DHX36: variants seen among roughly 807,000 people sequenced by gnomAD.
DHX36 encodes DEAH-box helicase 36, also known as ATP-dependent DNA/RNA helicase DHX36.
DHX36 carries 50 observed loss-of-function variants against 139.0 expected under a neutral mutation model. The ratio of observed to expected loss-of-function variants is 0.36; its 90% CI spans 0.29 to 0.46. The LOEUF is 0.46. Among genes scored for constraint, DHX36 ranks in the 20% least tolerant of loss-of-function variants. DHX36 has a pLI of 1.00. For synonymous variants in DHX36, 425 were observed against 401.9 expected, an observed-to-expected ratio of 1.06 and a Z score of -0.69; for missense variants, 1,024 against 1,211.3, an observed-to-expected ratio of 0.85 and a Z score of 2.29.
intron 12 of DHX36, chr3:154,299,622 T>G (rs1026028272): frequency 7.3e-5 from 37 of 504,416 alleles, no homozygotes; most frequent in Non-Finnish European, 1.4e-5. Flanking sequence ...AGTGAAAAAA[T>G]GAAAAACCTC....
intron 8 of DHX36, among the ~76,000 whole-genome samples, chr3:154,304,135 T>C (rs1185400213): frequency 6.6e-6 from 1 of 152,224 alleles, no homozygotes; most frequent in African/African-American, 2.4e-5. Flanking sequence ...TGGGATGTAT[T>C]TTAAAGGACT....
intron 18 of DHX36, 66 bp from the exon 19 acceptor site, chr3:154,284,735 T>C: frequency 6.3e-7 from 1 of 1,593,274 alleles, no homozygotes; most frequent in South Asian, 1.1e-5. Flanking sequence ...GACATTCTAA[T>C]AAAACGCTAA....
intron 17 of DHX36, among the ~76,000 whole-genome samples, chr3:154,287,526 G>A (rs1711588081): frequency 6.6e-6 from 1 of 151,864 alleles, no homozygotes; most frequent in Non-Finnish European, 1.5e-5. Flanking sequence ...ATGGTGGCAG[G>A]TGCCTGTAAT....
intron 3 of DHX36, among the ~76,000 whole-genome samples, chr3:154,313,280 G>A (rs1299844256): frequency 6.6e-6 from 1 of 152,026 alleles, no homozygotes. Flanking sequence ...CTTTCCCAAG[G>A]CAGCCAAAGT....
At chr3:154,279,166 G>A (rs962906178) in intron 22 of DHX36, 1 of 152,156 alleles carries the variant, frequency 6.6e-6, no homozygotes, top group African/African-American at 2.4e-5. Flanking sequence ...TACAGGACCA[G>A]AGAGTAAATA....
chr3:154,308,564 T>C (rs1425209281), intron 5 of DHX36, among the ~76,000 whole-genome samples: 1 of 152,152 alleles, frequency 6.6e-6, no homozygotes, highest in Non-Finnish European at 1.5e-5. Context: ...ACAAAATCAA[T>C]GTACAGGCTG....
intron 15 of DHX36, among the ~76,000 whole-genome samples, chr3:154,291,273 A>G (rs1711801408): frequency 6.6e-6 from 1 of 152,158 alleles, no homozygotes; most frequent in Admixed American, 6.5e-5. Flanking sequence ...TTTCCTTTTA[A>G]ATTAAAACAG....
intron 20 of DHX36, 48 bp from the exon 21 acceptor site, chr3:154,280,910 G>A: frequency 7.1e-7 from 1 of 1,405,990 alleles, no homozygotes; most frequent in Non-Finnish European, 1.0e-6. Flanking sequence ...TTCACACATT[G>A]AGGCTATAAA....
rs148956455 is a variant in DHX36, at chr3:154,298,992, C to T, written c.1549+846G>A. On this transcript the variant is annotated intron_variant, in intron 12 of 24. Coordinates refer to ENST00000496811, the MANE Select transcript of DHX36 (RefSeq NM_020865.3). ...TAGGGTTAGAAATTATATTCAGAGG[C>T]CACACGTGGTGGCTCAAGCCTGTAA... Among the ~76,000 whole-genome samples the T allele has an allele frequency of 1.1e-3, 163 of 152,220 alleles. 4 individuals are homozygous for T. The highest frequency in any genetic ancestry group is 6.8e-3 in the Middle Eastern group (2 of 294).
chr3:154,301,904 G>C (rs542507336), intron 9 of DHX36, among the ~76,000 whole-genome samples: 3 of 151,974 alleles, frequency 2.0e-5, no homozygotes, highest in Non-Finnish European at 2.9e-5. Flanking sequence ...TAGATGGAAT[G>C]GGGGAGGGGC....
intron 23 of DHX36, 136 bp downstream of exon 23, chr3:154,277,458 TAGAG>T: frequency 1.4e-6 from 1 of 689,840 alleles, no homozygotes; most frequent in East Asian, 3.0e-5. Flanking sequence ...GGTTATTTGT[TAGAG>T]GGAAAAAGTT....
Position 154,311,076 on chromosome 3 carries a change from C to T in DHX36, c.642+560G>A, listed in dbSNP as rs1712743481. The stretch of plus-strand genomic sequence containing the variant: ...ACAGAGTGAACAAAACAAATCCTAT[C>T]CTCAAGAACTTACACTGGCCTGGGA... On this transcript the variant is annotated intron_variant, in intron 4 of 24. Transcript: ENST00000496811. Among the ~76,000 whole-genome samples the T allele has an allele frequency of 2.0e-5, 3 of 151,160 alleles. No individual in the cohort carries two copies. The South Asian group carries it at 6.3e-4, about 31-fold the overall frequency.
intron 3 of DHX36, among the ~76,000 whole-genome samples, chr3:154,313,394 G>A (rs1712844862): frequency 1.3e-5 from 2 of 152,162 alleles, no homozygotes; most frequent in South Asian, 4.1e-4. Context: ...ACAGTAATAA[G>A]CATAACTGGC....
At position 154,280,676 on chromosome 3, in the gene DHX36, G is replaced by C; in HGVS notation, c.2477-7C>G. 1 of 1,609,692 alleles carries C rather than the reference G, an allele frequency of 6.2e-7. No individual in the cohort carries two copies. The highest frequency in any genetic ancestry group is 8.5e-7 in the Non-Finnish European group (1 of 1,176,512). ...TTAATTATCTTCTCATTATCTATGG[G>C]GGGTGAGAAGGTAGAGGGGAAAAGA... On this transcript the variant is annotated splice_region_variant and splice_polypyrimidine_tract_variant and intron_variant, in intron 21 of 24. Coordinates refer to ENST00000496811, the MANE Select transcript of DHX36 (RefSeq NM_020865.3).
At chr3:154,294,420 A>G (rs1198987159) in intron 13 of DHX36, among the ~76,000 whole-genome samples, 1 of 152,246 alleles carries the variant, frequency 6.6e-6, no homozygotes, top group Non-Finnish European at 1.5e-5. Flanking sequence ...TTATCCCTTC[A>G]TTTACAAAAC....
chr3:154,284,997 A>C lies in DHX36; in HGVS notation c.2032-10T>G. ...GTTTATCCAAAGCGTTCTGTAAAGG[A>C]AGAGTGTGTGTTTAAAATAGATCCT... is the stretch of plus-strand genomic sequence containing the variant. On this transcript the variant is annotated splice_polypyrimidine_tract_variant and intron_variant, in intron 17 of 24. Transcript: ENST00000496811. 3 of 1,613,946 alleles carry C rather than the reference A, an allele frequency of 1.9e-6. No homozygotes were observed. In the South Asian group the frequency reaches 3.3e-5, roughly 18 times the overall value.
rs774675970 is a variant in DHX36, at chr3:154,277,664, A to T, written c.2622T>A (p.Val874=). The T allele has an allele frequency of 1.7e-5, 27 of 1,612,330 alleles. No individual in the cohort carries two copies. The highest frequency in any genetic ancestry group is 2.3e-5 in the Non-Finnish European group (27 of 1,178,914). ...DGLVAVHPKS[V]NVEQTDFHYN... ...AGTGAAAGTCTGTTTGCTCCACATT[A>T]ACAGATTTAGGATGAACAGCAACCA... Residue 874 remains valine, a synonymous_variant, in exon 23 of 25, where the codon GTT becomes GTA. Transcript: ENST00000496811.
chr3:154,283,063 T>A (rs568394919), intron 20 of DHX36, 125 bp downstream of exon 20: 1 of 646,618 alleles, frequency 1.5e-6, no homozygotes, highest in African/African-American at 1.8e-5. Flanking sequence ...ACTTTGTGTA[T>A]ATATACAAAT....
chr3:154,315,431 T>C (rs1450875433), intron 2 of DHX36, 151 bp from the exon 3 acceptor site: 4 of 516,264 alleles, frequency 7.7e-6, no homozygotes, highest in Admixed American at 3.8e-5. Context: ...TATGAAAATA[T>C]ACTTAGATTC....
Sources: gnomAD v4.1 joint callset for allele counts (sites outside exome capture counted in the v4.1 genomes callset) on GRCh38, gnomAD v4.1.1 for gene constraint, MANE v1.5 for transcripts, NCBI Gene and HGNC (gene_info 2026-07-23, HGNC 2026-07-21) for gene names.